The following COMMD10 variants were observed in gnomAD, a reference collection of about 807,000 sequenced individuals.
COMMD10 encodes the protein COMM domain-containing protein 10.
COMMD10 carries 33 observed loss-of-function variants against 28.9 expected under a neutral mutation model. That is an observed-to-expected ratio of 1.14 (90% CI 0.87 to 1.53). The LOEUF (loss-of-function observed/expected upper bound fraction) is 1.53, where lower values mean the gene tolerates loss of function less well. COMMD10 is among the 40% of genes most tolerant of loss of function. The probability of loss-of-function intolerance (pLI) is 0.00; values close to 1 mark genes in which losing one functional copy is unlikely to be tolerated. For synonymous variants in COMMD10, 110 were observed against 81.7 expected (o/e 1.35, Z -1.87); for missense variants, 310 against 233.4 (o/e 1.33, Z -2.14).
chr5:116,197,730 C>T (rs949277671), intron 5 of COMMD10, among the ~76,000 whole-genome samples: 8 of 152,076 alleles, frequency 5.3e-5, no homozygotes, highest in Non-Finnish European at 1.2e-4. Flanking sequence ...AGGATTCTGC[C>T]ATTTTATTCA....
intron 5 of COMMD10, among the ~76,000 whole-genome samples, chr5:116,262,465 A>G (rs1050644578): frequency 6.6e-6 from 1 of 151,688 alleles, no homozygotes; most frequent in African/African-American, 2.4e-5. Context: ...CAGTTTCTTA[A>G]TTACCAATAC....
chr5:116,276,644 T>G (rs1417170151), intron 5 of COMMD10, among the ~76,000 whole-genome samples: 1 of 151,896 alleles, frequency 6.6e-6, no homozygotes, highest in Non-Finnish European at 1.5e-5. Context: ...AAATCTAACC[T>G]TAATTCAGTT....
chr5:116,123,992 A>G (rs554707100), intron 4 of COMMD10, among the ~76,000 whole-genome samples: 22 of 151,782 alleles, frequency 1.4e-4, no homozygotes, highest in African/African-American at 2.7e-4. Flanking sequence ...CAGTCTATCA[A>G]TTTTGTTGAT....
intron 4 of COMMD10, among the ~76,000 whole-genome samples, chr5:116,119,975 T>C (rs1217577434): frequency 1.3e-5 from 2 of 152,118 alleles, no homozygotes; most frequent in Admixed American, 6.6e-5. Flanking sequence ...TATACTGTAT[T>C]CTTTTGAATT....
intron 5 of COMMD10, among the ~76,000 whole-genome samples, chr5:116,227,450 T>C (rs1186530793): frequency 6.6e-6 from 1 of 152,026 alleles, no homozygotes; most frequent in African/African-American, 2.4e-5. Context: ...CCATTTTCTC[T>C]ACATCTTTAA....
intron 5 of COMMD10, among the ~76,000 whole-genome samples, chr5:116,252,559 C>A (rs1750150006): frequency 8.7e-6 from 1 of 115,602 alleles, no homozygotes; most frequent in East Asian, 2.5e-4. Flanking sequence ...AATAGGGAAT[C>A]CTTTCCCCAT....
At chr5:116,090,557 A>G (rs779701866) in intron 2 of COMMD10, among the ~76,000 whole-genome samples, 2 of 152,334 alleles carry the variant, frequency 1.3e-5, no homozygotes, top group South Asian at 2.1e-4. Context: ...GCCTGTTGAG[A>G]TAACAGTGCT....
At chr5:116,162,220 T>A (rs183775875) in intron 5 of COMMD10, among the ~76,000 whole-genome samples, 837 of 152,334 alleles carry the variant, frequency 5.5e-3, no homozygotes, top group Non-Finnish European at 6.6e-3. Context: ...GGTATTTTGT[T>A]TCCAGTTATA....
At chr5:116,155,427 C>G (rs1752675605) in intron 5 of COMMD10, among the ~76,000 whole-genome samples, 1 of 151,982 alleles carries the variant, frequency 6.6e-6, no homozygotes, top group Non-Finnish European at 1.5e-5. Flanking sequence ...CTGTCTGTTT[C>G]CATTTTCTAC....
At chr5:116,221,572 A>G (rs2112644729) in intron 5 of COMMD10, among the ~76,000 whole-genome samples, 1 of 152,238 alleles carries the variant, frequency 6.6e-6, no homozygotes, top group South Asian at 2.1e-4. Flanking sequence ...TGTTTTCAAG[A>G]TCTCTTAGAA....
At chr5:116,160,517 C>T (rs747699016) in intron 5 of COMMD10, among the ~76,000 whole-genome samples, 3 of 152,006 alleles carry the variant, frequency 2.0e-5, no homozygotes, top group Non-Finnish European at 4.4e-5. Flanking sequence ...GGATGAGTCT[C>T]TTAGGTACAA....
intron 4 of COMMD10, among the ~76,000 whole-genome samples, chr5:116,104,259 T>C (rs150409775): frequency 0.021 from 3,176 of 152,304 alleles, 107 homozygotes; most frequent in African/African-American, 0.07. Context: ...TTTCACGATA[T>C]TGATTCTTCC....
intron 4 of COMMD10, among the ~76,000 whole-genome samples, chr5:116,098,990 T>C (rs544602932): frequency 2.0e-5 from 3 of 152,300 alleles, no homozygotes; most frequent in African/African-American, 7.2e-5. Context: ...TGAGGACATT[T>C]AAGATCTACT....
intron 5 of COMMD10, among the ~76,000 whole-genome samples, chr5:116,220,637 C>G (rs942452831): frequency 1.3e-5 from 2 of 152,154 alleles, no homozygotes; most frequent in Non-Finnish European, 2.9e-5. Flanking sequence ...ATATAACTCA[C>G]ACGTCTGTTA....
intron 4 of COMMD10, among the ~76,000 whole-genome samples, chr5:116,107,125 C>T (rs1235811524): frequency 6.6e-6 from 1 of 152,008 alleles, no homozygotes; most frequent in African/African-American, 2.4e-5. Flanking sequence ...TCCTTTATTT[C>T]CACCTTGGTG....
chr5:116,113,040 G>A (rs961663187), intron 4 of COMMD10, among the ~76,000 whole-genome samples: 6 of 152,046 alleles, frequency 3.9e-5, no homozygotes, highest in African/African-American at 1.4e-4. Flanking sequence ...GTATTTGATT[G>A]TCTGGGAAAG....
chr5:116,162,958 A>C (rs1752966480), intron 5 of COMMD10, among the ~76,000 whole-genome samples: 2 of 152,130 alleles, frequency 1.3e-5, no homozygotes, highest in Non-Finnish European at 2.9e-5. Flanking sequence ...GGAGTGAAGG[A>C]GCCAGGCATT....
Position 116,214,516 on chromosome 5 carries a change from C to T in COMMD10, c.511-77001C>T, listed in dbSNP as rs540720002. ...ATATTACCTTACTGGATCTTAACCA[C>T]TGTAAGCATTAAATGGTATTGCCAT... On this transcript the variant is annotated intron_variant, in intron 5 of 6. Transcript: ENST00000274458. 3.9e-5 allele frequency among the ~76,000 whole-genome samples: 6 copies of T among 152,246 alleles called. No individual in the cohort carries two copies. The South Asian group carries it at 6.2e-4, about 16-fold the overall frequency.
intron 5 of COMMD10, among the ~76,000 whole-genome samples, chr5:116,221,775 T>C (rs1446440960): frequency 6.6e-6 from 1 of 152,216 alleles, no homozygotes; most frequent in African/African-American, 2.4e-5. Flanking sequence ...CCACCATTCT[T>C]TATTTAAATG....
Sources: allele counts gnomAD v4.1 joint callset (sites outside exome capture counted in the v4.1 genomes callset), GRCh38; gene constraint gnomAD v4.1.1; transcripts MANE v1.5; gene names NCBI Gene and HGNC (gene_info 2026-07-23, HGNC 2026-07-21).